DENND10: variants seen among roughly 807,000 people sequenced by gnomAD.
DENND10 encodes DENN domain-containing protein 10.
DENND10 carries 24 observed loss-of-function variants against 43.6 expected under a neutral mutation model. That is an observed-to-expected ratio of 0.55 (90% CI 0.40 to 0.77). The LOEUF (loss-of-function observed/expected upper bound fraction) is 0.77. Among genes scored for constraint, DENND10 ranks in the 30% least tolerant of loss-of-function variants. DENND10 has a pLI of 0.00. For missense variants in DENND10, 303 were observed against 429.9 expected (o/e 0.70, Z 2.61); for synonymous variants, 125 against 157.6 (o/e 0.79, Z 1.55).
intron 4 of DENND10, 67 bp from the exon 5 acceptor site, chr10:119,120,274 A>G (rs1434846649): frequency 3.9e-6 from 4 of 1,029,382 alleles, no homozygotes; most frequent in African/African-American, 1.6e-5. Flanking sequence ...AGAAAAAAAG[A>G]AAAAAAAATC....
chr10:119,135,254 G>A (rs1846273055), intron 8 of DENND10: 1 of 151,874 alleles, frequency 6.6e-6, no homozygotes, highest in Non-Finnish European at 1.5e-5. Flanking sequence ...CATTGTAAAT[G>A]TGGTCCCTGG....
chr10:119,104,563 G>A (rs904205961), intron 1 of DENND10, among the ~76,000 whole-genome samples: 2 of 144,546 alleles, frequency 1.4e-5, no homozygotes, highest in African/African-American at 5.0e-5. Context: ...GGGCGGGGCC[G>A]GGCCGGGCGG....
chr10:119,113,690 C>CAAAAAAA (rs11447508), intron 3 of DENND10, among the ~76,000 whole-genome samples: 1 of 141,348 alleles, frequency 7.1e-6, no homozygotes, highest in Non-Finnish European at 1.5e-5. Flanking sequence ...CCAAAAGAAG[C>CAAAAAAA]AAAAAAAAAA....
intron 6 of DENND10, among the ~76,000 whole-genome samples, chr10:119,126,189 T>C (rs1845823896): frequency 6.6e-6 from 1 of 152,216 alleles, no homozygotes; most frequent in Admixed American, 6.5e-5. Context: ...CACATTTTCT[T>C]TTCCATTCAT....
rs2133552109 is a variant in DENND10 at position 119,137,676 on chromosome 10, T to C, written c.*1029T>C. Reference sequence around the variant, plus strand: ...ATTTTTCACTCAGTACTGATGTCCTTGGAAATCTTACCTGGAAACATGTTT... The same window carrying C: ...ATTTTTCACTCAGTACTGATGTCCTCGGAAATCTTACCTGGAAACATGTTT... On this transcript the variant is annotated 3_prime_UTR_variant, in exon 9 of 9. Coordinates refer to ENST00000361432, the MANE Select transcript of DENND10 (RefSeq NM_207009.4). 1 of 165,990 alleles carries C rather than the reference T, an allele frequency of 6.0e-6. No individual in the cohort carries two copies. The highest frequency in any genetic ancestry group is 2.1e-4 in the South Asian group (1 of 4,750). The allele number at this position is 165,990 out of a possible 1,614,324, so 10.3% of individuals were successfully genotyped here.
In DENND10 at chr10:119,123,405, G is replaced by C. The variant is rs540049436; in HGVS notation, c.594-64G>C. On this transcript the variant is annotated intron_variant, in intron 5 of 8. Coordinates refer to ENST00000361432, the MANE Select transcript of DENND10 (RefSeq NM_207009.4). ...ATTTCCTTCTCAGGAAGAGGAGAAG[G>C]GGGCAGGCTGAGTCTTTAAGGTGTG... The C allele has an allele frequency of 3.1e-5, 37 of 1,175,488 alleles. 1 individual carries two copies. In the East Asian group the frequency reaches 6.4e-4, roughly 20 times the overall value. The allele number at this position is 1,175,488 out of a possible 1,614,324, so 72.8% of individuals were successfully genotyped here. A position where few individuals can be genotyped will look rare whatever the true frequency, so the allele number is the denominator to read the frequency against.
At chr10:119,104,745 A>C (rs1025767362) in intron 1 of DENND10, 4 of 152,228 alleles carry the variant, frequency 2.6e-5, no homozygotes, top group Non-Finnish European at 5.9e-5. Flanking sequence ...CGCGTTGTAC[A>C]CACATTGTCT....
chr10:119,123,446 G>C (rs779267987), intron 5 of DENND10, 23 bp from the exon 6 acceptor site: 1 of 1,571,226 alleles, frequency 6.4e-7, no homozygotes, highest in South Asian at 1.1e-5. Flanking sequence ...GCAACAACTT[G>C]AGTTCTTGCC....
At chr10:119,108,397 C>CG (rs1844803154) in intron 2 of DENND10, among the ~76,000 whole-genome samples, 1 of 150,628 alleles carries the variant, frequency 6.6e-6, no homozygotes, top group Admixed American at 6.6e-5. Context: ...GCAGGAGAAT[C>CG]GCTTGAACCT....
rs372445709 is a variant in DENND10 at position 119,117,495 on chromosome 10, T to G, written c.333-24T>G. On this transcript the variant is annotated intron_variant, in intron 3 of 8. Transcript: ENST00000361432. ...TGATTTGTGCCAAATGAAATCACAGTTGCTTTGTTGTCCTTTCTTACAGAA... is the reference window on the plus strand; with the variant it reads ...TGATTTGTGCCAAATGAAATCACAGGTGCTTTGTTGTCCTTTCTTACAGAA... The G allele has an allele frequency of 2.2e-5, 35 of 1,606,438 alleles. 1 individual carries two copies. The highest frequency in any genetic ancestry group is 2.6e-5 in the Non-Finnish European group (31 of 1,175,016).
rs1846421338 is a variant in DENND10, at chr10:119,137,713, T to C, written c.*1066T>C. ...CTGGAAACATGTTTGCAAAAAACATTATTGGGTCTTTCATCTTTTTCTTGG... is the reference window on the plus strand; with the variant it reads ...CTGGAAACATGTTTGCAAAAAACATCATTGGGTCTTTCATCTTTTTCTTGG... On this transcript the variant is annotated 3_prime_UTR_variant, in exon 9 of 9. Transcript: ENST00000361432. 6.0e-6 allele frequency: 1 copy of C among 166,676 alleles called. No individual in the cohort carries two copies. Among genetic ancestry groups the C allele is most frequent in the Admixed American group, 6.6e-5 (1 of 15,186 alleles). 10.3% of individuals were successfully genotyped at this position (166,676 alleles called of 1,614,324 possible).
chr10:119,105,975 C>T (rs1844678686), intron 1 of DENND10, among the ~76,000 whole-genome samples: 1 of 152,250 alleles, frequency 6.6e-6, no homozygotes, highest in East Asian at 1.9e-4. Context: ...GCAGGTGGAT[C>T]AATTGAGGCT....
At chr10:119,123,395 AGAG>A (rs1276644650) in intron 5 of DENND10, 71 bp from the exon 6 acceptor site, 20 of 1,060,300 alleles carry the variant, frequency 1.9e-5, no homozygotes, top group Non-Finnish European at 2.9e-5. Context: ...CTTCTCAGGA[AGAG>A]GAGAAGGGGG....
chr10:119,114,791 A>ATAG (rs1470778456), intron 3 of DENND10, among the ~76,000 whole-genome samples: 1 of 147,088 alleles, frequency 6.8e-6, no homozygotes, highest in Non-Finnish European at 1.5e-5. Context: ...TTTTTTTGAG[A>ATAG]TAGAGTTTCA....
intron 5 of DENND10, among the ~76,000 whole-genome samples, chr10:119,121,443 T>TC (rs1204412799): frequency 1.4e-5 from 2 of 146,246 alleles, no homozygotes; most frequent in East Asian, 2.0e-4. Flanking sequence ...AGCCATTAGG[T>TC]CCTTTTTTTT....
chr10:119,131,582 T>C (rs1448387902), intron 7 of DENND10, among the ~76,000 whole-genome samples: 1 of 152,238 alleles, frequency 6.6e-6, no homozygotes, highest in Non-Finnish European at 1.5e-5. Context: ...ATTAACAGCT[T>C]TGTTTTGTCA....
At chr10:119,111,807 T>C (rs773672371) in intron 2 of DENND10, 42 bp from the exon 3 acceptor site, 1 of 1,410,606 alleles carries the variant, frequency 7.1e-7, no homozygotes, top group Admixed American at 1.7e-5. Flanking sequence ...TCTGCTAAAG[T>C]GTATTTAAAA....
chr10:119,124,751 C>A (rs546369293), intron 6 of DENND10, among the ~76,000 whole-genome samples: 2 of 152,104 alleles, frequency 1.3e-5, no homozygotes, highest in South Asian at 4.2e-4. Context: ...CGTTGTTGTT[C>A]AGCCATCATC....
Position 119,108,014 on chromosome 10 carries a change from C to T in DENND10, c.102C>T (p.Ser34=), listed in dbSNP as rs890523497. Residue 34 remains serine, a synonymous_variant, in exon 2 of 9, where the codon TCC becomes TCT. Transcript: ENST00000361432. The part of the protein sequence containing the change: ...GEVLWVWCYP[S]TTATLRNLLL... ...TTCTGTGGGTGTGGTGTTATCCTTC[C>T]ACGACAGCCACATTAAGGAACCTGC... The T allele has an allele frequency of 6.2e-7, 1 of 1,613,656 alleles. No individual in the cohort carries two copies. Among genetic ancestry groups the T allele is most frequent in the Admixed American group, 1.7e-5 (1 of 59,962 alleles).
Sources: allele counts gnomAD v4.1 joint callset (sites outside exome capture counted in the v4.1 genomes callset), GRCh38; gene constraint gnomAD v4.1.1; transcripts MANE v1.5; gene names NCBI Gene and HGNC (gene_info 2026-07-23, HGNC 2026-07-21).